DOP1B: variants seen among roughly 807,000 people sequenced by gnomAD.
The protein encoded by DOP1B is DOP1 leucine zipper like protein B.
DOP1B carries 174 observed loss-of-function variants against 233.5 expected under a neutral mutation model. The observed-to-expected ratio is 0.75, with a 90% CI of 0.66 to 0.85. The LOEUF (loss-of-function observed/expected upper bound fraction) is 0.85. DOP1B is among the 40% of genes least tolerant of loss of function. The probability of loss-of-function intolerance (pLI) is 0.00; values close to 1 mark genes in which losing one functional copy is unlikely to be tolerated. For missense variants in DOP1B, 2,652 were observed against 2,846.6 expected, an observed-to-expected ratio of 0.93 and a Z score of 1.56; for synonymous variants, 1,190 against 1,185.6, an observed-to-expected ratio of 1.00 and a Z score of -0.08.
intron 2 of DOP1B, among the ~76,000 whole-genome samples, chr21:36,178,060 C>T (rs941945205): frequency 6.6e-6 from 1 of 152,162 alleles, no homozygotes; most frequent in Admixed American, 6.5e-5. Context: ...TTGTGTTTCT[C>T]CTTCTCCCCT....
intron 1 of DOP1B, among the ~76,000 whole-genome samples, chr21:36,158,189 T>C (rs1199498886): frequency 1.3e-5 from 2 of 152,208 alleles, no homozygotes; most frequent in Non-Finnish European, 2.9e-5. Context: ...GCAGATACAC[T>C]TCTTGTGTGA....
chr21:36,161,355 T>C (rs1322759815), intron 1 of DOP1B, among the ~76,000 whole-genome samples: 1 of 152,080 alleles, frequency 6.6e-6, no homozygotes, highest in Non-Finnish European at 1.5e-5. Context: ...GCCAGGCTGG[T>C]CTCGAACTCC....
At chr21:36,166,803 C>A (rs1271440366) in intron 2 of DOP1B, among the ~76,000 whole-genome samples, 1 of 152,210 alleles carries the variant, frequency 6.6e-6, no homozygotes, top group Non-Finnish European at 1.5e-5. Context: ...GACCCTCCAG[C>A]CCTGACAGAT....
chr21:36,211,856 A>G, intron 6 of DOP1B, 118 bp from the exon 7 acceptor site: 1 of 1,490,968 alleles, frequency 6.7e-7, no homozygotes, highest in Non-Finnish European at 9.2e-7. Context: ...GTAATGTGTA[A>G]GGAACCAGCC....
chr21:36,257,327 C>T (rs914819281), intron 23 of DOP1B, among the ~76,000 whole-genome samples: 10 of 152,228 alleles, frequency 6.6e-5, no homozygotes, highest in African/African-American at 2.2e-4. Flanking sequence ...ACAACCGTGT[C>T]GAAGTGTGAT....
chr21:36,204,695 C>T (rs987509061), intron 4 of DOP1B, among the ~76,000 whole-genome samples: 1 of 137,290 alleles, frequency 7.3e-6, no homozygotes. Context: ...CGCTCTGTCG[C>T]CCAGGCTGGA....
At chr21:36,263,513 G>A (rs758120855) in intron 24 of DOP1B, 33 bp from the exon 25 acceptor site, 27 of 1,570,486 alleles carry the variant, frequency 1.7e-5, no homozygotes, top group Non-Finnish European at 2.3e-5. Flanking sequence ...CTTGTTCGTG[G>A]TTGAGTATTT....
chr21:36,173,658 C>T (rs1205152468), intron 2 of DOP1B, among the ~76,000 whole-genome samples: 1 of 151,974 alleles, frequency 6.6e-6, no homozygotes, highest in African/African-American at 2.4e-5. Flanking sequence ...CTCCTGACCT[C>T]ATGATTCATC....
chr21:36,245,987 G>A lies in DOP1B; in HGVS notation c.4007G>A (p.Arg1336Gln), dbSNP rs200971009. Residue 1336 changes from arginine to glutamine, a missense_variant, in exon 19 of 37, where the codon CGA (arginine) becomes CAA (glutamine). Arg to Gln is a conservative substitution (Grantham distance 43). Transcript: ENST00000691173. The surrounding 1 kb of genome is among the most constrained non-coding windows in gnomAD (Gnocchi z 5.5). ...YYPCYLKVSHRDILGNRDVQV... is the reference protein window; with the variant it reads ...YYPCYLKVSHQDILGNRDVQV... ...CCTTGCTATTTGAAGGTCTCGCACC[G>A]AGACATTCTCGGCAACCGGGACGTG... 4.3e-4 allele frequency: 693 copies of A among 1,614,086 alleles called. No individual in the cohort carries two copies. The highest frequency in any genetic ancestry group is 5.6e-4 in the Non-Finnish European group (657 of 1,180,010).
intron 2 of DOP1B, among the ~76,000 whole-genome samples, chr21:36,177,474 T>C (rs1230024769): frequency 6.6e-6 from 1 of 152,182 alleles, no homozygotes; most frequent in African/African-American, 2.4e-5. Flanking sequence ...GTAGTCCAGA[T>C]TTAGAGATGA....
intron 32 of DOP1B, among the ~76,000 whole-genome samples, chr21:36,284,608 T>C (rs980535084): frequency 2.6e-5 from 4 of 151,920 alleles, no homozygotes; most frequent in African/African-American, 9.7e-5. Context: ...TCCTCTCAAA[T>C]TTGGGAGGAA....
At chr21:36,263,943 C>G (rs967555717) in intron 26 of DOP1B, 129 bp downstream of exon 26, 1 of 957,310 alleles carries the variant, frequency 1.0e-6, no homozygotes. Context: ...CACTTGTTCT[C>G]AAGTCTTACT....
intron 2 of DOP1B, among the ~76,000 whole-genome samples, chr21:36,176,289 C>A (rs529947409): frequency 6.0e-4 from 92 of 152,198 alleles, no homozygotes; most frequent in African/African-American, 2.0e-3. Flanking sequence ...CTTCCTCCCC[C>A]ACTGGAGCCT....
chr21:36,288,998 A>G (rs1241769391), intron 34 of DOP1B, 47 bp from the exon 35 acceptor site: 6 of 1,602,348 alleles, frequency 3.7e-6, no homozygotes, highest in Non-Finnish European at 5.1e-6. Flanking sequence ...ATGGACTATA[A>G]CAGATCTGAA....
At chr21:36,196,356 T>G (rs1300033436) in intron 2 of DOP1B, among the ~76,000 whole-genome samples, 1 of 152,148 alleles carries the variant, frequency 6.6e-6, no homozygotes, top group African/African-American at 2.4e-5. Context: ...TTGCTGGTGG[T>G]GAAGCTGGAT....
rs1461378550 is a variant in DOP1B at position 36,230,889 on chromosome 21, C to T, written c.2105C>T (p.Ala702Val). ...CAGATGCTGTCAGACTTGTTCACAG[C>T]ACGAGGGTCTCCATTCAAGACAAAA... Reference protein sequence around the residue: ...FKQMLSDLFTARGSPFKTKSS... With the variant: ...FKQMLSDLFTVRGSPFKTKSS... The change falls in exon 14 of 37, where the codon GCA (alanine) becomes GTA (valine). Residue 702 changes from alanine (A) to valine (V), a missense_variant. By Grantham distance (64) the Ala-to-Val change is moderately conservative. Transcript: ENST00000691173. 3 of 1,614,016 alleles carry T rather than the reference C, an allele frequency of 1.9e-6. No individual in the cohort carries two copies. Among genetic ancestry groups the T allele is most frequent in the African/African-American group, 2.7e-5 (2 of 74,914 alleles).
At chr21:36,201,771 G>T (rs527412528) in intron 4 of DOP1B, among the ~76,000 whole-genome samples, 1 of 152,156 alleles carries the variant, frequency 6.6e-6, no homozygotes, top group Non-Finnish European at 1.5e-5. Context: ...ATCTTGACAG[G>T]TTTCAGTAGC....
chr21:36,289,377 G>A (rs2067529274), intron 35 of DOP1B, among the ~76,000 whole-genome samples, 171 bp downstream of exon 35: 1 of 151,876 alleles, frequency 6.6e-6, no homozygotes, highest in Admixed American at 6.6e-5. Context: ...CAACATCTGT[G>A]GCTCTGCAAA....
chr21:36,195,705 T>C (rs1319653294), intron 2 of DOP1B, among the ~76,000 whole-genome samples: 1 of 152,222 alleles, frequency 6.6e-6, no homozygotes, highest in African/African-American at 2.4e-5. Flanking sequence ...TTCTATTAAT[T>C]TGAAATGAGT....
Sources: allele counts gnomAD v4.1 joint callset (sites outside exome capture counted in the v4.1 genomes callset), GRCh38; gene constraint gnomAD v4.1.1; non-coding constraint Gnocchi (gnomAD v3.1); transcripts MANE v1.5; gene names NCBI Gene and HGNC (gene_info 2026-07-23, HGNC 2026-07-21).